The following LPP variants were observed in gnomAD, a reference collection of about 807,000 sequenced individuals.
LPP encodes lipoma-preferred partner.
Under a neutral mutation model 60.4 loss-of-function variants are expected in LPP, and 38 were observed. The observed-to-expected ratio is 0.63, with a 90% CI of 0.49 to 0.83. The LOEUF is 0.83. Ranked by LOEUF, LPP falls within the 40% of genes least tolerant of loss-of-function variation. The pLI is 0.00. For synonymous variants in LPP, 328 were observed against 290.8 expected, an observed-to-expected ratio of 1.13 and a Z score of -1.30; for missense variants, 902 against 783.6, an observed-to-expected ratio of 1.15 and a Z score of -1.80.
intron 2 of LPP, among the ~76,000 whole-genome samples, chr3:188,333,123 A>C (rs887249951): frequency 1.3e-5 from 2 of 152,188 alleles, no homozygotes; most frequent in Admixed American, 6.5e-5. Context: ...AACATATTGC[A>C]TAGTATTTCT....
rs190163817 is a variant in LPP at position 188,305,209 on chromosome 3, T to C, written c.-66-36454T>C. Among the ~76,000 whole-genome samples the C allele has an allele frequency of 2.2e-3, 342 of 152,286 alleles. 4 individuals are homozygous for C. In the South Asian group the frequency reaches 0.025, roughly 11 times the overall value. ...GCCTAGCTCTGTAGGAGCTAAATAC[T>C]AAATATATTTACTTTAAAAAAATTG... On this transcript the variant is annotated intron_variant, in intron 2 of 11. Coordinates refer to ENST00000617246, the MANE Select transcript of LPP (RefSeq NM_001375462.1).
At chr3:188,462,578 ATATATATGCATGTGTG>A (rs1799308401) in intron 4 of LPP, among the ~76,000 whole-genome samples, 4 of 54,850 alleles carry the variant, frequency 7.3e-5, no homozygotes, top group South Asian at 1.7e-3. Flanking sequence ...ATATATATAT[ATATATATGCATGTGTG>A]TGTGTGTGTG....
intron 2 of LPP, among the ~76,000 whole-genome samples, chr3:188,278,532 T>G (rs1560192386): frequency 6.6e-6 from 1 of 152,148 alleles, no homozygotes; most frequent in Non-Finnish European, 1.5e-5. Flanking sequence ...CATCTTCTAG[T>G]GGATTCATTG....
intron 2 of LPP, among the ~76,000 whole-genome samples, chr3:188,306,253 T>TG (rs1442313819): frequency 6.6e-6 from 1 of 151,510 alleles, no homozygotes; most frequent in Non-Finnish European, 1.5e-5. Flanking sequence ...GCTAATTTTT[T>TG]TTTTTTTGTA....
At chr3:188,478,560 A>T (rs764481991) in intron 4 of LPP, among the ~76,000 whole-genome samples, 40 of 152,128 alleles carry the variant, frequency 2.6e-4, no homozygotes, top group Non-Finnish European at 4.0e-4. Flanking sequence ...CCACAGATTG[A>T]CACTGTGAAG....
At chr3:188,195,434 G>A (rs1729268862) in intron 1 of LPP, among the ~76,000 whole-genome samples, 2 of 152,120 alleles carry the variant, frequency 1.3e-5, no homozygotes, top group East Asian at 1.9e-4. Flanking sequence ...TAAAGAGAAC[G>A]AAGCCGTAGA....
chr3:188,781,921 C>T (rs913514386), intron 9 of LPP, among the ~76,000 whole-genome samples: 8 of 151,778 alleles, frequency 5.3e-5, no homozygotes, highest in Non-Finnish European at 1.0e-4. Flanking sequence ...CTATCACCCC[C>T]CTTGATTCAC....
chr3:188,186,064 G>T (rs1279230323), intron 1 of LPP, among the ~76,000 whole-genome samples: 2 of 151,958 alleles, frequency 1.3e-5, no homozygotes, highest in African/African-American at 2.4e-5. Context: ...GGTTGGGCTT[G>T]CCCGGAGCCA....
At chr3:188,306,997 C>A (rs1438797208) in intron 2 of LPP, among the ~76,000 whole-genome samples, 1 of 152,182 alleles carries the variant, frequency 6.6e-6, no homozygotes, top group Non-Finnish European at 1.5e-5. Flanking sequence ...GGCCTGCAGC[C>A]CTCAATTTGC....
At position 188,888,559 on chromosome 3, in the gene LPP, G is replaced by A. The variant is rs1770933625; in HGVS notation, c.*14080G>A. 4.4e-6 allele frequency: 1 copy of A among 226,592 alleles called. No homozygotes were observed. Among genetic ancestry groups the A allele is most frequent in the African/African-American group, 2.2e-5 (1 of 44,956 alleles). 14.0% of individuals were successfully genotyped at this position (226,592 alleles called of 1,614,324 possible). A position where few individuals can be genotyped will look rare whatever the true frequency, so the allele number is the denominator to read the frequency against. On this transcript the variant is annotated 3_prime_UTR_variant, in exon 12 of 12. Coordinates refer to ENST00000617246, the MANE Select transcript of LPP (RefSeq NM_001375462.1). ...TCTGTTCAGCATACACATCAGCAAA[G>A]TGAGAAGATGAGCACTAAATATAGG...
chr3:188,818,532 TA>T (rs1440877977), intron 9 of LPP, among the ~76,000 whole-genome samples: 1 of 152,202 alleles, frequency 6.6e-6, no homozygotes, highest in Non-Finnish European at 1.5e-5. Context: ...GGTGTTACTC[TA>T]AGGCCCTGCA....
At chr3:188,573,963 T>C (rs993708856) in intron 6 of LPP, among the ~76,000 whole-genome samples, 1 of 152,170 alleles carries the variant, frequency 6.6e-6, no homozygotes, top group Admixed American at 6.6e-5. Flanking sequence ...ATGTTGTTAA[T>C]AGGGAGCCAG....
chr3:188,358,811 G>A (rs1049220038), intron 3 of LPP, among the ~76,000 whole-genome samples: 2 of 152,110 alleles, frequency 1.3e-5, no homozygotes, highest in African/African-American at 4.8e-5. Flanking sequence ...TGGGCAAAAT[G>A]TTGCTTTTGT....
chr3:188,434,499 G>A (rs1212876491), intron 4 of LPP, among the ~76,000 whole-genome samples: 10 of 152,120 alleles, frequency 6.6e-5, no homozygotes, highest in Admixed American at 6.6e-4. Flanking sequence ...CTAGAGTGGT[G>A]CCAGGCAGCA....
At position 188,252,053 on chromosome 3, in the gene LPP, TATATATATATATATATATATATAC is replaced by T. The variant is rs1420552927; in HGVS notation, c.-67+26528_-67+26551del. Among the ~76,000 whole-genome samples, 64 of 99,846 alleles carry T rather than the reference TATATATATATATATATATATATAC, an allele frequency of 6.4e-4. 1 individual carries two copies. The East Asian group carries it at 0.012, about 19-fold the overall frequency. 65.5% of individuals were successfully genotyped at this position (99,846 alleles called of 152,430 possible). A position where few individuals can be genotyped will look rare whatever the true frequency, so the allele number is the denominator to read the frequency against. ...CCTGATATATATATATATATATATA[TATATATATATATATATATATATAC>T]ACACACACACACACATATATCAGAT... On this transcript the variant is annotated intron_variant, in intron 2 of 11. Coordinates refer to ENST00000617246, the MANE Select transcript of LPP (RefSeq NM_001375462.1).
intron 9 of LPP, among the ~76,000 whole-genome samples, chr3:188,850,164 A>G (rs1449083940): frequency 6.6e-6 from 1 of 152,222 alleles, no homozygotes; most frequent in Non-Finnish European, 1.5e-5. Flanking sequence ...GATCAATATG[A>G]TGGTAGAATG....
chr3:188,165,588 G>A (rs1329344349), intron 1 of LPP, among the ~76,000 whole-genome samples: 1 of 152,160 alleles, frequency 6.6e-6, no homozygotes, highest in Admixed American at 6.5e-5. Flanking sequence ...CATTCTGAAA[G>A]GAGCATTGAG....
intron 9 of LPP, among the ~76,000 whole-genome samples, chr3:188,763,273 G>A (rs1421517187): frequency 2.0e-5 from 3 of 150,022 alleles, no homozygotes; most frequent in Non-Finnish European, 4.4e-5. Flanking sequence ...TTTAATTGAT[G>A]GAATGAGAAT....
intron 2 of LPP, among the ~76,000 whole-genome samples, chr3:188,320,968 C>T (rs376605656): frequency 6.6e-5 from 10 of 152,182 alleles, no homozygotes; most frequent in East Asian, 1.9e-4. Context: ...GTCATATTTT[C>T]GGTAGTAATC....
Sources: allele counts gnomAD v4.1 joint callset (sites outside exome capture counted in the v4.1 genomes callset), GRCh38; gene constraint gnomAD v4.1.1; transcripts MANE v1.5; gene names NCBI Gene and HGNC (gene_info 2026-07-23, HGNC 2026-07-21).